The following FOXJ3 variants were observed in gnomAD, a reference collection of about 807,000 sequenced individuals.
FOXJ3 encodes the protein forkhead box protein J3.
In FOXJ3, 22 loss-of-function variants were observed where a neutral mutation model predicts 76.1. The observed-to-expected ratio is 0.29, with a 90% CI of 0.21 to 0.41. The LOEUF is 0.41. Among genes scored for constraint, FOXJ3 ranks in the 10% least tolerant of loss-of-function variants. FOXJ3 has a pLI of 1.00. For synonymous variants in FOXJ3, 269 were observed against 261.2 expected, an observed-to-expected ratio of 1.03 and a Z score of -0.29; for missense variants, 613 against 762.1, an observed-to-expected ratio of 0.80 and a Z score of 2.30.
chr1:42,237,419 TATATATATAC>T (rs1255151197), intron 4 of FOXJ3, among the ~76,000 whole-genome samples: 5 of 146,860 alleles, frequency 3.4e-5, no homozygotes, highest in Non-Finnish European at 7.4e-5. Context: ...TATATATATA[TATATATATAC>T]ATACATACAT....
rs1653479581 is a variant in FOXJ3 at position 42,292,158 on chromosome 1, G to T, written c.45-13486C>A. ...TAAGAAAAGATGCTAAACATCATTAGTTATTAGGGAAATGCAAATTAAAAC... is the reference window on the plus strand; with the variant it reads ...TAAGAAAAGATGCTAAACATCATTATTTATTAGGGAAATGCAAATTAAAAC... On this transcript the variant is annotated intron_variant, in intron 2 of 12. Transcript: ENST00000361346. Among the ~76,000 whole-genome samples the T allele has an allele frequency of 2.0e-5, 3 of 152,156 alleles. No individual in the cohort carries two copies. The South Asian group carries it at 6.2e-4, about 32-fold the overall frequency.
chr1:42,256,797 C>A (rs530875156), intron 4 of FOXJ3, among the ~76,000 whole-genome samples: 1 of 152,224 alleles, frequency 6.6e-6, no homozygotes, highest in South Asian at 2.1e-4. Flanking sequence ...TTATTAATAG[C>A]GTAAAACTGA....
intron 5 of FOXJ3, among the ~76,000 whole-genome samples, chr1:42,208,083 C>A (rs1398955584): frequency 1.3e-5 from 2 of 152,188 alleles, no homozygotes; most frequent in Non-Finnish European, 2.9e-5. Flanking sequence ...ATTACTCGAA[C>A]TTTATGCTTG....
intron 1 of FOXJ3, among the ~76,000 whole-genome samples, chr1:42,331,830 A>T (rs537955418): frequency 1.8e-3 from 230 of 125,768 alleles, no homozygotes; most frequent in Middle Eastern, 0.013. Flanking sequence ...AAGCTTTTTT[A>T]AAAAAAAAAA....
intron 4 of FOXJ3, among the ~76,000 whole-genome samples, chr1:42,253,172 GACAA>G (rs1194612920): frequency 3.3e-5 from 5 of 150,098 alleles, no homozygotes; most frequent in South Asian, 2.1e-4. Flanking sequence ...ACCAATAACA[GACAA>G]ACAGAGAGCC....
At chr1:42,294,943 G>C (rs756594427) in intron 2 of FOXJ3, among the ~76,000 whole-genome samples, 1 of 152,150 alleles carries the variant, frequency 6.6e-6, no homozygotes, top group African/African-American at 2.4e-5. Context: ...TCCATTTCAA[G>C]AGAATAAACT....
chr1:42,321,161 C>G (rs1468077476), intron 1 of FOXJ3, among the ~76,000 whole-genome samples: 1 of 152,100 alleles, frequency 6.6e-6, no homozygotes, highest in African/African-American at 2.4e-5. Context: ...TCCTGGAAAT[C>G]CTGATTTAGG....
chr1:42,252,716 G>C (rs370100578), intron 4 of FOXJ3, among the ~76,000 whole-genome samples: 12 of 151,584 alleles, frequency 7.9e-5, no homozygotes, highest in African/African-American at 2.9e-4. Flanking sequence ...TAATTGTGAT[G>C]TTAGGGTGTC....
At position 42,252,006 on chromosome 1, in the gene FOXJ3, C is replaced by T. The variant is rs543029571; in HGVS notation, c.444+13109G>A. Among the ~76,000 whole-genome samples, 7 of 152,218 alleles carry T rather than the reference C, an allele frequency of 4.6e-5. No individual in the cohort carries two copies. The East Asian group carries it at 5.8e-4, about 13-fold the overall frequency. On this transcript the variant is annotated intron_variant, in intron 4 of 12. Transcript: ENST00000361346. ...TGCTGGGATTACAGGCGTGAGCCAC[C>T]GCGCCCGGCCGGTTTGCCAGTATTT...
chr1:42,269,576 G>A (rs761731082), intron 3 of FOXJ3, among the ~76,000 whole-genome samples: 16 of 152,116 alleles, frequency 1.1e-4, no homozygotes, highest in South Asian at 6.2e-4. Context: ...AGTTCCTAAC[G>A]TGTATTTCCA....
intron 1 of FOXJ3, among the ~76,000 whole-genome samples, chr1:42,316,041 T>C (rs1655085079): frequency 6.6e-6 from 1 of 152,206 alleles, no homozygotes; most frequent in African/African-American, 2.4e-5. Context: ...CAAGTGTACA[T>C]TAAACTGAGT....
chr1:42,230,792 G>A (rs575317863), intron 4 of FOXJ3, among the ~76,000 whole-genome samples: 236 of 152,120 alleles, frequency 1.6e-3, no homozygotes, highest in Non-Finnish European at 2.2e-3. Context: ...AGAAAATATG[G>A]CAATTCCTAA....
rs951766349 is a variant in FOXJ3 at position 42,205,522 on chromosome 1, AT to A, written c.630+239del. 4.1e-4 allele frequency among the ~76,000 whole-genome samples: 63 copies of A among 152,200 alleles called. 3 individuals carry two copies. The highest frequency in any genetic ancestry group is 4.4e-5 in the Non-Finnish European group (3 of 68,022). On this transcript the variant is annotated intron_variant, in intron 6 of 12. Coordinates refer to ENST00000361346, the MANE Select transcript of FOXJ3 (RefSeq NM_014947.5). ...TCAATGGGAACTGTGAGAGCCAAGA[AT>A]TTTTAAACAAGTATAGAACTTCTCG...
At chr1:42,272,952 C>T (rs1385572042) in intron 3 of FOXJ3, among the ~76,000 whole-genome samples, 1 of 152,174 alleles carries the variant, frequency 6.6e-6, no homozygotes, top group Non-Finnish European at 1.5e-5. Context: ...AATCTTAACT[C>T]TTCTTCAAAA....
Position 42,335,177 on chromosome 1 carries a change from C to T in FOXJ3, c.-136G>A, listed in dbSNP as rs996530181. 1.3e-5 allele frequency: 2 copies of T among 152,164 alleles called. No homozygotes were observed. Among genetic ancestry groups the T allele is most frequent in the African/African-American group, 2.4e-5 (1 of 41,432 alleles). The allele number at this position is 152,164 out of a possible 1,614,324, so 9.4% of individuals were successfully genotyped here. ...GAGCGGTCGAGGCCCCGAGCAGCCC[C>T]GAGAGCGGCGGCGGCAGCAAGAGCA... On this transcript the variant is annotated 5_prime_UTR_variant, in exon 1 of 13. Transcript: ENST00000361346.
At chr1:42,268,826 T>C (rs1651663293) in intron 3 of FOXJ3, among the ~76,000 whole-genome samples, 1 of 152,162 alleles carries the variant, frequency 6.6e-6, no homozygotes, top group Non-Finnish European at 1.5e-5. Flanking sequence ...TGTGATGATA[T>C]TTGGAGGTGG....
At chr1:42,269,981 C>G (rs904093840) in intron 3 of FOXJ3, among the ~76,000 whole-genome samples, 1 of 152,104 alleles carries the variant, frequency 6.6e-6, no homozygotes, top group Non-Finnish European at 1.5e-5. Flanking sequence ...TTTGGTGTTA[C>G]CCCTTAACTT....
At chr1:42,187,473 T>A (rs527748828) in intron 11 of FOXJ3, among the ~76,000 whole-genome samples, 27 of 152,008 alleles carry the variant, frequency 1.8e-4, no homozygotes, top group African/African-American at 6.5e-4. Context: ...TTGGAAAAAT[T>A]AAAGTGATAT....
Position 42,263,512 on chromosome 1 carries a change from C to T in FOXJ3, c.444+1603G>A, listed in dbSNP as rs75057397. ...TATCTTTTTGTAATAAGCCTCCTTT[C>T]CTTTAAAGGAAAAGGTGCACCAATT... is the stretch of plus-strand genomic sequence containing the variant. On this transcript the variant is annotated intron_variant, in intron 4 of 12. Transcript: ENST00000361346. Among the ~76,000 whole-genome samples the T allele has an allele frequency of 3.5e-4, 53 of 152,108 alleles. No individual in the cohort carries two copies. The Middle Eastern group carries it at 0.017, about 49-fold the overall frequency.
Sources: allele counts gnomAD v4.1 joint callset (sites outside exome capture counted in the v4.1 genomes callset), GRCh38; gene constraint gnomAD v4.1.1; transcripts MANE v1.5; gene names NCBI Gene and HGNC (gene_info 2026-07-23, HGNC 2026-07-21).